The following EBLN1 variants were observed in gnomAD, a reference collection of about 807,000 sequenced individuals.
EBLN1 encodes endogenous Bornavirus like nucleoprotein 1.
A neutral mutation model predicts 0.8 loss-of-function variants in EBLN1; 1 was observed. That is an observed-to-expected ratio of 1.32 (90% confidence interval 0.47 to 6.26). The LOEUF (loss-of-function observed/expected upper bound fraction) is 6.26, where lower values mean the gene tolerates loss of function less well. Among genes scored for constraint, EBLN1 ranks in the 30% most tolerant of loss-of-function variants. EBLN1 has a pLI of 0.15. For missense variants in EBLN1, 396 were observed against 447.9 expected (o/e 0.88, Z 1.05); for synonymous variants, 158 against 158.5 (o/e 1.00, Z 0.02).
At chr10:22,213,092 T>C (rs1319176408) in intron 1 of EBLN1, among the ~76,000 whole-genome samples, 127 bp from the exon 2 acceptor site, 3 of 152,218 alleles carry the variant, frequency 2.0e-5, no homozygotes, top group Non-Finnish European at 2.9e-5. Flanking sequence ...ATCTGAAGCA[T>C]GAAACGGTGA....
In EBLN1 at chr10:22,208,799, G is replaced by C. The variant is rs1486843571; in HGVS notation, c.*84C>G. On this transcript the variant is annotated 3_prime_UTR_variant, in exon 3 of 3. Transcript: ENST00000422359. ...AGACAGACCAAGATTGAAAACAATA[G>C]GCAACACTCAGATACTATTTTAGAA... The C allele has an allele frequency of 1.5e-6, 2 of 1,368,274 alleles. No individual in the cohort carries two copies. Among genetic ancestry groups the C allele is most frequent in the East Asian group, 5.0e-5 (2 of 39,860 alleles). The allele number at this position is 1,368,274 out of a possible 1,614,324, so 84.8% of individuals were successfully genotyped here. A position where few individuals can be genotyped will look rare whatever the true frequency, so the allele number is the denominator to read the frequency against.
chr10:22,217,432 T>C (rs1397018221), intron 1 of EBLN1, among the ~76,000 whole-genome samples: 1 of 152,252 alleles, frequency 6.6e-6, no homozygotes, highest in African/African-American at 2.4e-5. Flanking sequence ...ATTCATTTCT[T>C]ATGTGCCAAG....
At chr10:22,212,313 T>A (rs949031806) in intron 2 of EBLN1, among the ~76,000 whole-genome samples, 1 of 152,198 alleles carries the variant, frequency 6.6e-6, no homozygotes, top group East Asian at 1.9e-4. Flanking sequence ...AAAACAGAAA[T>A]GATAAATGAT....
At chr10:22,214,384 C>T (rs185231941) in intron 1 of EBLN1, among the ~76,000 whole-genome samples, 1 of 151,020 alleles carries the variant, frequency 6.6e-6, no homozygotes, top group East Asian at 1.9e-4. Flanking sequence ...ACCGCTGCTG[C>T]AACCTCCTGG....
chr10:22,212,612 T>G (rs1242767839), intron 2 of EBLN1, among the ~76,000 whole-genome samples: 2 of 151,962 alleles, frequency 1.3e-5, no homozygotes, highest in Non-Finnish European at 2.9e-5. Context: ...GAATGAAAAC[T>G]GTTGAGAAGT....
At chr10:22,210,405 T>C (rs1193943367) in intron 2 of EBLN1, among the ~76,000 whole-genome samples, 1 of 152,158 alleles carries the variant, frequency 6.6e-6, no homozygotes, top group African/African-American at 2.4e-5. Context: ...AAACCCCCTA[T>C]AATGAACAAA....
intron 1 of EBLN1, among the ~76,000 whole-genome samples, 160 bp downstream of exon 1, chr10:22,217,756 C>A (rs769797872): frequency 7.9e-5 from 12 of 152,146 alleles, no homozygotes; most frequent in Non-Finnish European, 1.3e-4. Context: ...TTAAGTCTCT[C>A]CTAAATAACT....
In EBLN1 at chr10:22,209,557, G is replaced by GAAA. The variant is rs1396946650; in HGVS notation, c.426_427insTTT (p.Asp142_Leu143insPhe). ...CTCGATCCGGCAGCAATGCCTATCA[G>GAAA]ATCACAGCAGTGACGCAGAATTGAT... On this transcript the variant is annotated inframe_insertion, in exon 3 of 3. Coordinates refer to ENST00000422359, the MANE Select transcript of EBLN1 (RefSeq NM_001394757.1). The GAAA allele has an allele frequency of 5.8e-6, 9 of 1,548,662 alleles. No individual in the cohort carries two copies. The highest frequency in any genetic ancestry group is 6.9e-6 in the Non-Finnish European group (8 of 1,154,016).
At chr10:22,212,704 C>T (rs1588585430) in intron 2 of EBLN1, among the ~76,000 whole-genome samples, 138 bp downstream of exon 2, 4 of 151,608 alleles carry the variant, frequency 2.6e-5, no homozygotes, top group Admixed American at 2.0e-4. Flanking sequence ...ATCTTAAGTG[C>T]TTCAGGAAGC....
At position 22,209,002 on chromosome 10, in the gene EBLN1, A is replaced by C; in HGVS notation, c.982T>G (p.Ser328Ala). The C allele has an allele frequency of 6.5e-7, 1 of 1,535,776 alleles. No individual in the cohort carries two copies. The highest frequency in any genetic ancestry group is 8.7e-7 in the Non-Finnish European group (1 of 1,146,914). ...GFEALDIIPG[S>A]TITFPVLQMA... ...TGAAGTACAGGGAATGTAATAGTTG[A>C]TCCTGGTATAATGTCAAGGGCTTCA... Residue 328 changes from serine (S) to alanine (A), a missense_variant, in exon 3 of 3, where the codon TCA becomes GCA. Coordinates refer to ENST00000422359, the MANE Select transcript of EBLN1 (RefSeq NM_001394757.1).
At chr10:22,210,090 T>C in intron 2 of EBLN1, 63 bp from the exon 3 acceptor site, 3 of 1,213,294 alleles carry the variant, frequency 2.5e-6, no homozygotes, top group South Asian at 7.1e-5. Context: ...ATTAATAAAA[T>C]GTATTATGAC....
rs1179449497 is a variant in EBLN1 at position 22,209,082 on chromosome 10, A to G, written c.902T>C (p.Leu301Pro). The change falls in exon 3 of 3, where the codon CTA becomes CCA. Residue 301 changes from leucine to proline, a missense_variant. Coordinates refer to ENST00000422359, the MANE Select transcript of EBLN1 (RefSeq NM_001394757.1). ...GGCCCAGTAGTTTGCTGCTGTTGCT[A>G]GGTTTGGGAACATTTGTGGTGATAG... Reference protein sequence around the residue: ...GVLSPQMFPNLATAANYWAKR... With the variant: ...GVLSPQMFPNPATAANYWAKR... 1 of 1,536,664 alleles carries G rather than the reference A, an allele frequency of 6.5e-7. No individual in the cohort carries two copies. Among genetic ancestry groups the G allele is most frequent in the East Asian group, 2.4e-5 (1 of 40,920 alleles).
In EBLN1 at chr10:22,209,041, T is replaced by G. The variant is rs774049040; in HGVS notation, c.943A>C (p.Thr315Pro). 2.6e-6 allele frequency: 4 copies of G among 1,536,270 alleles called. No individual in the cohort carries two copies. In the South Asian group the frequency reaches 4.8e-5, roughly 18 times the overall value. The change falls in exon 3 of 3, where the codon ACA (threonine) becomes CCA (proline). Residue 315 changes from threonine (T) to proline (P), a missense_variant. By Grantham distance (38) the Thr-to-Pro change is conservative. Coordinates refer to ENST00000422359, the MANE Select transcript of EBLN1 (RefSeq NM_001394757.1). ...TCAAGGGCTTCAAATCCAGAAAATG[T>G]GGAATTCCTTCTTTTGGCCCAGTAG... ...ANYWAKRRNSTFSGFEALDII... is the reference protein window; with the variant it reads ...ANYWAKRRNSPFSGFEALDII...
chr10:22,211,669 T>A (rs1050161832), intron 2 of EBLN1, among the ~76,000 whole-genome samples: 1 of 152,050 alleles, frequency 6.6e-6, no homozygotes, highest in Admixed American at 6.6e-5. Flanking sequence ...TTTTGTTTGT[T>A]TTTTGTAGAG....
chr10:22,211,687 T>G (rs1834756428), intron 2 of EBLN1, among the ~76,000 whole-genome samples: 1 of 151,990 alleles, frequency 6.6e-6, no homozygotes, highest in Non-Finnish European at 1.5e-5. Flanking sequence ...GAGATAGAGT[T>G]TCGTCACTTT....
At chr10:22,210,909 T>C (rs912962655) in intron 2 of EBLN1, among the ~76,000 whole-genome samples, 2 of 152,244 alleles carry the variant, frequency 1.3e-5, no homozygotes, top group African/African-American at 4.8e-5. Context: ...AAAACTGTCT[T>C]GGACATACAT....
intron 1 of EBLN1, among the ~76,000 whole-genome samples, chr10:22,213,321 A>C (rs1490910544): frequency 1.3e-5 from 2 of 152,246 alleles, no homozygotes; most frequent in Admixed American, 1.3e-4. Flanking sequence ...AGTAGAAAAC[A>C]GATTTTTTCG....
At chr10:22,217,131 A>AT (rs990007303) in intron 1 of EBLN1, among the ~76,000 whole-genome samples, 8 of 151,698 alleles carry the variant, frequency 5.3e-5, no homozygotes, top group Admixed American at 2.6e-4. Flanking sequence ...GTATATATAT[A>AT]TTTTTTTGTT....
intron 2 of EBLN1, among the ~76,000 whole-genome samples, chr10:22,210,461 C>T (rs838758): frequency 0.32 from 48,925 of 152,098 alleles, 8,835 homozygotes; most frequent in African/African-American, 0.5. Context: ...AGTTAGTTGT[C>T]TGACAATTCT....
Sources: allele counts gnomAD v4.1 joint callset (sites outside exome capture counted in the v4.1 genomes callset), GRCh38; gene constraint gnomAD v4.1.1; transcripts MANE v1.5; gene names NCBI Gene and HGNC (gene_info 2026-07-23, HGNC 2026-07-21).